The following TTC28 variants were observed in gnomAD, a reference collection of about 807,000 sequenced individuals.
TTC28 encodes the protein tetratricopeptide repeat protein 28.
Under a neutral mutation model 198.0 loss-of-function variants are expected in TTC28, and 61 were observed. The ratio of observed to expected loss-of-function variants is 0.31; its 90% CI spans 0.25 to 0.38. TTC28 has a LOEUF of 0.38. Among genes scored for constraint, TTC28 ranks in the 10% least tolerant of loss-of-function variants. TTC28 has a pLI of 1.00. For synonymous variants in TTC28, 1,171 were observed against 1,297.8 expected (o/e 0.90, Z 2.10); for missense variants, 2,678 against 3,164.0 (o/e 0.85, Z 3.69).
At position 27,985,366 on chromosome 22, in the gene TTC28, C is replaced by A. The variant is rs751278839; in HGVS notation, c.5708-10G>T. On this transcript the variant is annotated splice_polypyrimidine_tract_variant and intron_variant, in intron 21 of 22. Coordinates refer to ENST00000397906, the MANE Select transcript of TTC28 (RefSeq NM_001145418.2). ...TCACAGAGATCAAAACCTAGAGGAA[C>A]AAAGAATATAAGCATCTGCTTCCTT... is the stretch of plus-strand genomic sequence containing the variant. 28 of 1,544,992 alleles carry A rather than the reference C, an allele frequency of 1.8e-5. No individual in the cohort carries two copies. The highest frequency in any genetic ancestry group is 2.2e-5 in the Non-Finnish European group (25 of 1,141,366).
At chr22:28,284,482 A>G (rs1403058369) in intron 5 of TTC28, among the ~76,000 whole-genome samples, 2 of 152,216 alleles carry the variant, frequency 1.3e-5, no homozygotes, top group African/African-American at 2.4e-5. Context: ...ATATGACGCC[A>G]AAAGCATAGA....
intron 2 of TTC28, among the ~76,000 whole-genome samples, chr22:28,453,517 C>T (rs1002554010): frequency 2.6e-5 from 4 of 152,198 alleles, no homozygotes; most frequent in African/African-American, 4.8e-5. Context: ...ACACAGCCAA[C>T]AAATCTGGTC....
intron 5 of TTC28, among the ~76,000 whole-genome samples, chr22:28,290,105 C>A (rs2044759528): frequency 6.6e-6 from 1 of 152,064 alleles, no homozygotes; most frequent in African/African-American, 2.4e-5. Flanking sequence ...TGCTATCTAG[C>A]TACTTTGGAA....
At chr22:28,249,829 T>A (rs186058189) in intron 5 of TTC28, among the ~76,000 whole-genome samples, 1 of 152,342 alleles carries the variant, frequency 6.6e-6, no homozygotes, top group African/African-American at 2.4e-5. Flanking sequence ...TCTATTTTAT[T>A]GAAAACTCAG....
intron 5 of TTC28, among the ~76,000 whole-genome samples, chr22:28,186,305 T>C (rs1924201422): frequency 6.6e-6 from 1 of 152,154 alleles, no homozygotes; most frequent in Non-Finnish European, 1.5e-5. Context: ...TGATTAATAG[T>C]ATCCTCAGGA....
At chr22:28,199,965 A>C in intron 5 of TTC28, among the ~76,000 whole-genome samples, 1 of 152,144 alleles carries the variant, frequency 6.6e-6, no homozygotes, top group South Asian at 2.1e-4. Flanking sequence ...ATACATAAAA[A>C]CATTAACAAT....
At chr22:28,147,614 G>A (rs1164294214) in intron 6 of TTC28, among the ~76,000 whole-genome samples, 1 of 152,150 alleles carries the variant, frequency 6.6e-6, no homozygotes, top group Non-Finnish European at 1.5e-5. Flanking sequence ...CCCCAGCTCT[G>A]CCACACACTT....
At chr22:28,622,185 T>A (rs2051010841) in intron 2 of TTC28, among the ~76,000 whole-genome samples, 1 of 152,138 alleles carries the variant, frequency 6.6e-6, no homozygotes, top group African/African-American at 2.4e-5. Context: ...AGAAAAATAG[T>A]TTTTCTGGCC....
chr22:28,503,590 A>C (rs1369198438), intron 2 of TTC28, among the ~76,000 whole-genome samples: 1 of 152,230 alleles, frequency 6.6e-6, no homozygotes, highest in African/African-American at 2.4e-5. Context: ...GTTGGGATTT[A>C]TGATGAACTC....
intron 2 of TTC28, among the ~76,000 whole-genome samples, chr22:28,577,549 A>G (rs566109736): frequency 6.6e-5 from 10 of 152,210 alleles, no homozygotes; most frequent in African/African-American, 2.4e-4. Flanking sequence ...GATCTGTCCA[A>G]TGCTGAAAGT....
intron 5 of TTC28, among the ~76,000 whole-genome samples, chr22:28,278,510 A>G (rs2044516372): frequency 6.6e-6 from 1 of 152,322 alleles, no homozygotes; most frequent in East Asian, 1.9e-4. Flanking sequence ...ATGATGGTCA[A>G]ATCATATCAT....
At chr22:28,569,720 T>A (rs981360361) in intron 2 of TTC28, among the ~76,000 whole-genome samples, 1 of 152,128 alleles carries the variant, frequency 6.6e-6, no homozygotes, top group African/African-American at 2.4e-5. Flanking sequence ...GGGACCTAAT[T>A]AAACTAAGGA....
chr22:28,646,148 T>C (rs1022199741), intron 1 of TTC28, among the ~76,000 whole-genome samples: 2 of 152,150 alleles, frequency 1.3e-5, no homozygotes, highest in Non-Finnish European at 2.9e-5. Flanking sequence ...GCCGATGATA[T>C]GATAGCATAC....
At chr22:28,249,761 C>T (rs2147270941) in intron 5 of TTC28, among the ~76,000 whole-genome samples, 1 of 152,294 alleles carries the variant, frequency 6.6e-6, no homozygotes, top group African/African-American at 2.4e-5. Flanking sequence ...ACATATTGTC[C>T]AGCAAAATGA....
intron 2 of TTC28, among the ~76,000 whole-genome samples, chr22:28,561,419 A>G (rs189240150): frequency 6.6e-6 from 1 of 152,242 alleles, no homozygotes; most frequent in African/African-American, 2.4e-5. Flanking sequence ...TGTTTCTTCT[A>G]TAGCACTTAA....
At chr22:28,233,385 G>A (rs1210037552) in intron 5 of TTC28, among the ~76,000 whole-genome samples, 1 of 151,998 alleles carries the variant, frequency 6.6e-6, no homozygotes, top group East Asian at 1.9e-4. Context: ...ATTACAGGGA[G>A]ATATCTCTAT....
intron 5 of TTC28, among the ~76,000 whole-genome samples, chr22:28,278,862 T>C (rs2044523117): frequency 6.6e-6 from 1 of 152,178 alleles, no homozygotes; most frequent in African/African-American, 2.4e-5. Context: ...TATATGAACA[T>C]GTTGTTGTGA....
chr22:28,641,318 G>T (rs373464673), intron 1 of TTC28, among the ~76,000 whole-genome samples: 6 of 149,924 alleles, frequency 4.0e-5, no homozygotes, highest in African/African-American at 1.5e-4. Flanking sequence ...GCAAGACTCC[G>T]TCTCAAAAAA....
At chr22:28,338,603 T>G (rs2045773318) in intron 2 of TTC28, among the ~76,000 whole-genome samples, 2 of 152,242 alleles carry the variant, frequency 1.3e-5, no homozygotes, top group African/African-American at 4.8e-5. Context: ...CTTCCATCCC[T>G]GATACCCTTT....
Sources: gnomAD v4.1 joint callset for allele counts (sites outside exome capture counted in the v4.1 genomes callset) on GRCh38, gnomAD v4.1.1 for gene constraint, MANE v1.5 for transcripts, NCBI Gene and HGNC (gene_info 2026-07-23, HGNC 2026-07-21) for gene names.